The following SEZ6L variants were observed in gnomAD, a reference collection of about 807,000 sequenced individuals.
SEZ6L encodes the protein seizure 6-like protein.
A neutral mutation model predicts 106.2 loss-of-function variants in SEZ6L; 37 were observed. That is an observed-to-expected ratio of 0.35 (90% CI 0.27 to 0.46). The LOEUF is 0.46. Ranked by LOEUF, SEZ6L falls within the 20% of genes least tolerant of loss-of-function variation. SEZ6L has a pLI of 1.00. For missense variants in SEZ6L, 1,172 were observed against 1,332.8 expected, an observed-to-expected ratio of 0.88 and a Z score of 1.88; for synonymous variants, 541 against 570.4, an observed-to-expected ratio of 0.95 and a Z score of 0.73.
intron 9 of SEZ6L, among the ~76,000 whole-genome samples, chr22:26,334,901 G>A (rs1178103121): frequency 1.3e-5 from 2 of 152,154 alleles, no homozygotes; most frequent in Non-Finnish European, 2.9e-5. Flanking sequence ...AAGCCTGCCT[G>A]CCTGCCAGCA....
At chr22:26,246,631 T>A (rs1447973637) in intron 1 of SEZ6L, among the ~76,000 whole-genome samples, 1 of 152,174 alleles carries the variant, frequency 6.6e-6, no homozygotes, top group African/African-American at 2.4e-5. Flanking sequence ...CTCGTGCTCC[T>A]CCTTACAATG....
chr22:26,301,836 G>T (rs2081463867), intron 5 of SEZ6L, among the ~76,000 whole-genome samples: 1 of 152,196 alleles, frequency 6.6e-6, no homozygotes. Flanking sequence ...AAATAAATAA[G>T]ATCAATCTGA....
intron 1 of SEZ6L, among the ~76,000 whole-genome samples, chr22:26,221,646 C>T (rs929098519): frequency 6.6e-6 from 1 of 152,190 alleles, no homozygotes; most frequent in Non-Finnish European, 1.5e-5. Flanking sequence ...GTGATTGTCT[C>T]ATCTACTCAA....
At chr22:26,334,400 C>T (rs1177384309) in intron 9 of SEZ6L, among the ~76,000 whole-genome samples, 1 of 152,242 alleles carries the variant, frequency 6.6e-6, no homozygotes, top group East Asian at 1.9e-4. Flanking sequence ...TCGTGGCTGG[C>T]TTCTTTCACT....
rs1182861907 is a variant in SEZ6L at position 26,383,415 on chromosome 22, G to A, written c.*3120G>A. Reference sequence around the variant, plus strand: ...CTTGACTAGGCATGACGAGTCATTTGAGGTCAGATATTATTTGAGTTGTTC... The same window carrying A: ...CTTGACTAGGCATGACGAGTCATTTAAGGTCAGATATTATTTGAGTTGTTC... On this transcript the variant is annotated 3_prime_UTR_variant, in exon 17 of 17. Coordinates refer to ENST00000248933, the MANE Select transcript of SEZ6L (RefSeq NM_021115.5). 1 of 152,130 alleles carries A rather than the reference G, an allele frequency of 6.6e-6. No individual in the cohort carries two copies. The highest frequency in any genetic ancestry group is 2.4e-5 in the African/African-American group (1 of 41,428). 9.4% of individuals were successfully genotyped at this position (152,130 alleles called of 1,614,324 possible).
At chr22:26,372,427 A>G (rs1366725972) in intron 13 of SEZ6L, among the ~76,000 whole-genome samples, 1 of 152,198 alleles carries the variant, frequency 6.6e-6, no homozygotes. Context: ...TCTTGATGCC[A>G]AAGCTGCAGA....
chr22:26,302,595 G>A (rs2081490345), intron 5 of SEZ6L, among the ~76,000 whole-genome samples: 1 of 152,178 alleles, frequency 6.6e-6, no homozygotes, highest in African/African-American at 2.4e-5. Context: ...TAAATTCTGA[G>A]ATTCAATTGT....
In SEZ6L at chr22:26,169,714, G is replaced by C; in HGVS notation, c.45G>C (p.Ser15=). ...CCGCCGCGGGACTCCGCGGGATCTCGCTGTTCCTCGCTCTGCTCCTGGGGA... is the reference window on the plus strand; with the variant it reads ...CCGCCGCGGGACTCCGCGGGATCTCCCTGTTCCTCGCTCTGCTCCTGGGGA... ...RPPAAGLRGI[S]LFLALLLGSP... The change falls in exon 1 of 17, where the codon TCG becomes TCC. Residue 15 remains serine (S), a synonymous_variant. Transcript: ENST00000248933. 7.7e-7 allele frequency: 1 copy of C among 1,301,514 alleles called. No individual in the cohort carries two copies. The highest frequency in any genetic ancestry group is 9.7e-7 in the Non-Finnish European group (1 of 1,028,090). 80.6% of individuals were successfully genotyped at this position (1,301,514 alleles called of 1,614,324 possible).
chr22:26,260,600 AC>A (rs1321867784), intron 1 of SEZ6L, among the ~76,000 whole-genome samples: 2 of 152,144 alleles, frequency 1.3e-5, no homozygotes, highest in Non-Finnish European at 2.9e-5. Flanking sequence ...ATATATATAT[AC>A]ATATCACAAT....
chr22:26,320,859 C>A (rs2082135016), intron 9 of SEZ6L, among the ~76,000 whole-genome samples: 1 of 152,102 alleles, frequency 6.6e-6, no homozygotes, highest in Non-Finnish European at 1.5e-5. Flanking sequence ...GGAGAGCACC[C>A]CCAGCATCTA....
intron 1 of SEZ6L, among the ~76,000 whole-genome samples, chr22:26,288,853 C>G (rs1455777198): frequency 6.6e-6 from 1 of 152,212 alleles, no homozygotes; most frequent in Non-Finnish European, 1.5e-5. Flanking sequence ...TCTCTCCTCT[C>G]TCTCATCCCC....
intron 12 of SEZ6L, among the ~76,000 whole-genome samples, chr22:26,361,517 AAAAATAT>A (rs1425234053): frequency 1.5e-5 from 2 of 129,970 alleles, no homozygotes; most frequent in African/African-American, 5.8e-5. Context: ...AAAAAAAAAA[AAAAATAT>A]ATATATATAT....
chr22:26,249,410 C>A (rs1569418903), intron 1 of SEZ6L, among the ~76,000 whole-genome samples: 1 of 152,168 alleles, frequency 6.6e-6, no homozygotes, highest in African/African-American at 2.4e-5. Flanking sequence ...TGAGTGAGAA[C>A]GTGTGGTATT....
At chr22:26,335,910 G>A (rs987731344) in intron 9 of SEZ6L, among the ~76,000 whole-genome samples, 3 of 152,136 alleles carry the variant, frequency 2.0e-5, no homozygotes, top group Non-Finnish European at 4.4e-5. Context: ...TTAATGTGAG[G>A]GTGATACACA....
At chr22:26,189,438 A>G (rs1476096513) in intron 1 of SEZ6L, among the ~76,000 whole-genome samples, 1 of 152,176 alleles carries the variant, frequency 6.6e-6, no homozygotes, top group Non-Finnish European at 1.5e-5. Context: ...AATACAGTCA[A>G]TCCTCCCCTC....
At chr22:26,309,425 G>A (rs2847315) in intron 6 of SEZ6L, among the ~76,000 whole-genome samples, 32,596 of 152,152 alleles carry the variant, frequency 0.21, 3,867 homozygotes, top group Non-Finnish European at 0.26. Flanking sequence ...AGGCTGAAAG[G>A]TGTTTTAAGA....
chr22:26,221,898 A>G (rs986121415), intron 1 of SEZ6L, among the ~76,000 whole-genome samples: 52 of 152,242 alleles, frequency 3.4e-4, no homozygotes, highest in African/African-American at 1.2e-3. Context: ...GGTTTTATCT[A>G]AGCCAGTCTT....
chr22:26,274,140 T>C (rs1042119313), intron 1 of SEZ6L, among the ~76,000 whole-genome samples: 1 of 152,236 alleles, frequency 6.6e-6, no homozygotes, highest in South Asian at 2.1e-4. Flanking sequence ...ATAATCTATA[T>C]TGCTTTGAGC....
chr22:26,259,825 TC>T (rs2079941955), intron 1 of SEZ6L, among the ~76,000 whole-genome samples: 1 of 152,182 alleles, frequency 6.6e-6, no homozygotes, highest in African/African-American at 2.4e-5. Context: ...TCATAATTTC[TC>T]CTAATTTATT....
Sources: gnomAD v4.1 joint callset for allele counts (sites outside exome capture counted in the v4.1 genomes callset) on GRCh38, gnomAD v4.1.1 for gene constraint, MANE v1.5 for transcripts, NCBI Gene and HGNC (gene_info 2026-07-23, HGNC 2026-07-21) for gene names.